Variants in PDE11A observed in about 807,000 individuals in gnomAD.
PDE11A encodes the protein dual 3',5'-cyclic-AMP and -GMP phosphodiesterase 11A.
Under a neutral mutation model 100.5 loss-of-function variants are expected in PDE11A, and 100 were observed. The ratio of observed to expected loss-of-function variants is 1.00; its 90% CI spans 0.85 to 1.18. The LOEUF (loss-of-function observed/expected upper bound fraction) is 1.18. PDE11A is among the 50% of genes most tolerant of loss of function. PDE11A has a pLI of 0.00. For synonymous variants in PDE11A, 381 were observed against 420.8 expected, an observed-to-expected ratio of 0.91 and a Z score of 1.16; for missense variants, 1,141 against 1,152.6, an observed-to-expected ratio of 0.99 and a Z score of 0.15.
At chr2:178,086,434 A>G (rs2087356514) in intron 2 of PDE11A, among the ~76,000 whole-genome samples, 2 of 152,204 alleles carry the variant, frequency 1.3e-5, no homozygotes, top group African/African-American at 4.8e-5. Context: ...CACAATAAAT[A>G]AATATTTATT....
Position 177,701,160 on chromosome 2 carries a change from A to T in PDE11A, c.2205T>A (p.His735Gln). 1.2e-6 allele frequency: 2 copies of T among 1,608,678 alleles called. No individual in the cohort carries two copies. Among genetic ancestry groups the T allele is most frequent in the Non-Finnish European group, 1.7e-6 (2 of 1,175,076 alleles). The change falls in exon 14 of 20, where the codon CAT becomes CAA. Residue 735 changes from histidine (H) to glutamine (Q), a missense_variant. Physicochemically the swap from His to Gln is conservative, Grantham distance 24. Coordinates refer to ENST00000286063, the MANE Select transcript of PDE11A (RefSeq NM_016953.4). ...TCATCACGGCGTGGTTGAAATGGTG[A>T]TGCTCCAAGGTAGCAGAGGTTCCAT... is the stretch of plus-strand genomic sequence containing the variant. ...QLYGTSATLE[H>Q]HHFNHAVMIL... is the part of the protein sequence containing the mutation.
At chr2:177,959,729 A>G (rs759102299) in intron 2 of PDE11A, among the ~76,000 whole-genome samples, 10 of 152,188 alleles carry the variant, frequency 6.6e-5, no homozygotes, top group African/African-American at 9.6e-5. Context: ...AAAATTTGAT[A>G]TATCAATCGG....
chr2:177,736,028 C>T (rs1333145260), intron 10 of PDE11A, among the ~76,000 whole-genome samples: 1 of 152,238 alleles, frequency 6.6e-6, no homozygotes, highest in Non-Finnish European at 1.5e-5. Flanking sequence ...CAACAGCGAA[C>T]CCTTTCTTTC....
At chr2:177,682,308 T>C (rs1243052379) in intron 15 of PDE11A, among the ~76,000 whole-genome samples, 1 of 152,230 alleles carries the variant, frequency 6.6e-6, no homozygotes, top group Non-Finnish European at 1.5e-5. Context: ...ATTGATGTCT[T>C]ATGTCTCCCT....
chr2:177,936,708 G>A (rs944363389), intron 2 of PDE11A, among the ~76,000 whole-genome samples: 1 of 152,096 alleles, frequency 6.6e-6, no homozygotes, highest in Non-Finnish European at 1.5e-5. Context: ...ATCACCTGAG[G>A]TCAGAAGTTT....
chr2:177,995,646 A>ACCCCCCC (rs3067378), intron 2 of PDE11A, among the ~76,000 whole-genome samples: 14 of 147,680 alleles, frequency 9.5e-5, no homozygotes, highest in African/African-American at 2.5e-4. Context: ...CACAAACACC[A>ACCCCCCC]CCCACCCCGC....
At chr2:177,662,829 G>A (rs2080503144) in intron 19 of PDE11A, among the ~76,000 whole-genome samples, 1 of 65,044 alleles carries the variant, frequency 1.5e-5, no homozygotes, top group African/African-American at 3.9e-5. Flanking sequence ...CTTCAAGACA[G>A]TATTCTAAGT....
chr2:177,830,103 G>A (rs960219890), intron 6 of PDE11A, among the ~76,000 whole-genome samples: 7 of 152,082 alleles, frequency 4.6e-5, no homozygotes, highest in East Asian at 1.9e-4. Context: ...GGCCATGGCC[G>A]GCAGAAAAAT....
At chr2:177,863,687 A>G (rs2083981876) in intron 5 of PDE11A, among the ~76,000 whole-genome samples, 1 of 146,148 alleles carries the variant, frequency 6.8e-6, no homozygotes, top group Non-Finnish European at 1.5e-5. Flanking sequence ...AAGTCAAAAG[A>G]TGACAAATGT....
intron 2 of PDE11A, among the ~76,000 whole-genome samples, chr2:177,944,806 C>A (rs1253321591): frequency 2.8e-5 from 3 of 106,360 alleles, no homozygotes; most frequent in Middle Eastern, 4.1e-3. Flanking sequence ...TGCGAGCGCT[C>A]TCCCTCTCCC....
At chr2:178,072,929 C>A, upstream of PDE11A, 1 of 984,922 alleles carries the variant, frequency 1.0e-6, no homozygotes, top group Non-Finnish European at 1.2e-6. Context: ...CTGGAAGAGT[C>A]TCTGGACGGC....
In PDE11A at chr2:177,625,787, A is replaced by G. The variant is rs1250935114; in HGVS notation, c.*3620T>C. ...ATATGCCTCACATTCTTGCAAAATT[A>G]TAAATTGTTTAGAAAAGGGATTAAA... is the stretch of plus-strand genomic sequence containing the variant. On this transcript the variant is annotated 3_prime_UTR_variant, in exon 20 of 20. Coordinates refer to ENST00000286063, the MANE Select transcript of PDE11A (RefSeq NM_016953.4). The G allele has an allele frequency of 6.6e-6, 1 of 152,514 alleles. No homozygotes were observed. The highest frequency in any genetic ancestry group is 1.5e-5 in the Non-Finnish European group (1 of 68,040). 9.4% of individuals were successfully genotyped at this position (152,514 alleles called of 1,614,324 possible). A position where few individuals can be genotyped will look rare whatever the true frequency, so the allele number is the denominator to read the frequency against.
chr2:177,906,306 A>ACAG (rs1340685546), intron 2 of PDE11A, among the ~76,000 whole-genome samples: 1 of 152,200 alleles, frequency 6.6e-6, no homozygotes, highest in Non-Finnish European at 1.5e-5. Flanking sequence ...GTGAGGGACG[A>ACAG]CAGCAGCCTC....
At chr2:177,668,359 T>A (rs1456303039) in intron 18 of PDE11A, among the ~76,000 whole-genome samples, 1 of 152,182 alleles carries the variant, frequency 6.6e-6, no homozygotes, top group Non-Finnish European at 1.5e-5. Flanking sequence ...AGAATTTGGG[T>A]CATACTAGGT....
chr2:177,738,764 C>T (rs2081830996), intron 10 of PDE11A, among the ~76,000 whole-genome samples: 1 of 152,128 alleles, frequency 6.6e-6, no homozygotes, highest in Non-Finnish European at 1.5e-5. Flanking sequence ...TGATAGCACA[C>T]AGGCATGAGA....
At chr2:177,999,143 A>G (rs748212689) in intron 2 of PDE11A, among the ~76,000 whole-genome samples, 12 of 152,216 alleles carry the variant, frequency 7.9e-5, no homozygotes, top group Non-Finnish European at 1.6e-4. Context: ...AGAGTCAACC[A>G]CTGAAAAGAA....
chr2:177,728,266 A>G (rs1469147125), intron 10 of PDE11A, 94 bp from the exon 11 acceptor site: 1 of 1,091,820 alleles, frequency 9.2e-7, no homozygotes, highest in East Asian at 2.4e-5. Context: ...AGTGCCACAT[A>G]AATCAGGCCT....
chr2:177,909,858 G>C (rs528947228), intron 2 of PDE11A, among the ~76,000 whole-genome samples: 1 of 152,116 alleles, frequency 6.6e-6, no homozygotes, highest in South Asian at 2.1e-4. Context: ...TGCAATCCTA[G>C]GCTTACACTT....
At chr2:177,642,509 A>G (rs1422170358) in intron 19 of PDE11A, among the ~76,000 whole-genome samples, 1 of 152,240 alleles carries the variant, frequency 6.6e-6, no homozygotes, top group Non-Finnish European at 1.5e-5. Flanking sequence ...GTTTAAGGAC[A>G]TGGTCATTTA....
Sources: gnomAD v4.1 joint callset for allele counts (sites outside exome capture counted in the v4.1 genomes callset) on GRCh38, gnomAD v4.1.1 for gene constraint, MANE v1.5 for transcripts, NCBI Gene and HGNC (gene_info 2026-07-23, HGNC 2026-07-21) for gene names.